UACA: variants seen among roughly 807,000 people sequenced by gnomAD.
UACA encodes the protein nuclear membrane binding protein.
UACA carries 112 observed loss-of-function variants against 160.5 expected under a neutral mutation model. The ratio of observed to expected loss-of-function variants is 0.70; its 90% CI spans 0.60 to 0.82. The LOEUF (loss-of-function observed/expected upper bound fraction) is 0.82. UACA is among the 40% of genes least tolerant of loss of function. The pLI, the probability that UACA is intolerant of heterozygous loss-of-function variation, is 0.00. For synonymous variants in UACA, 557 were observed against 568.4 expected, an observed-to-expected ratio of 0.98 and a Z score of 0.29; for missense variants, 1,574 against 1,614.6, an observed-to-expected ratio of 0.97 and a Z score of 0.43.
Position 70,667,335 on chromosome 15 carries a change from C to T in UACA, c.3349G>A (p.Val1117Ile). 1 of 1,613,058 alleles carries T rather than the reference C, an allele frequency of 6.2e-7. No individual in the cohort carries two copies. Among genetic ancestry groups the T allele is most frequent in the African/African-American group, 1.3e-5 (1 of 74,954 alleles). Residue 1117 changes from valine to isoleucine, a missense_variant, in exon 16 of 19, where the codon GTT becomes ATT. By Grantham distance (29) the Val-to-Ile change is conservative. Transcript: ENST00000322954. ...TTAAGAGATTTTTTCAGAGCCTCAA[C>T]CTGTTCCAATGGAACATGTTGTTTT... ...LQKQHVPLEQVEALKKSLNGT... is the reference protein window; with the variant it reads ...LQKQHVPLEQIEALKKSLNGT...
rs914572432 is a variant in UACA at position 70,687,536 on chromosome 15, T to A, written c.602+4A>T. On this transcript the variant is annotated splice_donor_region_variant and intron_variant, in intron 7 of 18. Coordinates refer to ENST00000322954, the MANE Select transcript of UACA (RefSeq NM_018003.4). ...GTATCTGGGAGCCATGATAAAAGAA[T>A]TACCTGTTTTGTTTGTCTCTGGAAT... 1.2e-6 allele frequency: 2 copies of A among 1,613,456 alleles called. No homozygotes were observed. Among genetic ancestry groups the A allele is most frequent in the East Asian group, 4.5e-5 (2 of 44,864 alleles).
At chr15:70,729,936 C>T (rs1321709962) in intron 1 of UACA, among the ~76,000 whole-genome samples, 3 of 112,234 alleles carry the variant, frequency 2.7e-5, no homozygotes, top group East Asian at 2.4e-4. Context: ...AGGGTCCTGT[C>T]TGTTAGAAGG....
At chr15:70,746,599 G>C (rs1304114787) in intron 1 of UACA, among the ~76,000 whole-genome samples, 1 of 152,142 alleles carries the variant, frequency 6.6e-6, no homozygotes. Flanking sequence ...TCTAGAACTA[G>C]AAATACCATT....
At chr15:70,723,634 CTTTTTT>C (rs71845744) in intron 1 of UACA, among the ~76,000 whole-genome samples, 1 of 139,006 alleles carries the variant, frequency 7.2e-6, no homozygotes, top group Admixed American at 7.1e-5. Context: ...CAACTTTTTC[CTTTTTT>C]TTTTTTTTTT....
At chr15:70,751,652 A>G (rs2030065164) in intron 1 of UACA, among the ~76,000 whole-genome samples, 1 of 152,192 alleles carries the variant, frequency 6.6e-6, no homozygotes, top group Non-Finnish European at 1.5e-5. Context: ...AGGAGTGGCA[A>G]GGCTCACACC....
At chr15:70,721,839 A>G (rs2140988573) in intron 1 of UACA, among the ~76,000 whole-genome samples, 1 of 152,226 alleles carries the variant, frequency 6.6e-6, no homozygotes, top group East Asian at 1.9e-4. Context: ...TAAACTTTAA[A>G]TTTTTTCTAT....
In UACA at chr15:70,668,016, AT is replaced by A; in HGVS notation, c.2667del (p.Lys889AsnfsTer5). On this transcript the variant is annotated frameshift_variant, in exon 16 of 19. Coordinates refer to ENST00000322954, the MANE Select transcript of UACA (RefSeq NM_018003.4). LOFTEE classifies it high-confidence loss of function. ...ACAAATTCCTGATTTATATCTTCAAATTTTTTCTTCACATCTAATAATTCTC... is the reference window on the plus strand; with the variant it reads ...ACAAATTCCTGATTTATATCTTCAAATTTTTCTTCACATCTAATAATTCTC... ...TNRELLDVKKKFEDINQEFVK... is the reference protein window; with the variant it reads ...TNRELLDVKKXFEDINQEFVK... 6.2e-7 allele frequency: 1 copy of A among 1,604,188 alleles called. No individual in the cohort carries two copies. The highest frequency in any genetic ancestry group is 8.5e-7 in the Non-Finnish European group (1 of 1,176,692).
At chr15:70,752,007 CG>C (rs995387366) in intron 1 of UACA, among the ~76,000 whole-genome samples, 1 of 152,032 alleles carries the variant, frequency 6.6e-6, no homozygotes, top group African/African-American at 2.4e-5. Context: ...GAGGCCGAGG[CG>C]GGCAGATCAC....
rs1897782400 is a variant in UACA, at chr15:70,687,768, A to G, written c.477T>C (p.Ser159=). The part of the protein sequence containing the change: ...SIQLLCDHGA[S]VNAKDVDGRT... ...AACTTACTACATCTTTGGCATTCAC[A>G]GAGGCCCCATGGTCACAAAGCAGCT... is the stretch of plus-strand genomic sequence containing the variant. The change falls in exon 6 of 19, where the codon TCT becomes TCC. Residue 159 remains serine (S), a synonymous_variant. Transcript: ENST00000322954. 6.2e-7 allele frequency: 1 copy of G among 1,613,862 alleles called. No homozygotes were observed. Among genetic ancestry groups the G allele is most frequent in the Non-Finnish European group, 8.5e-7 (1 of 1,179,798 alleles).
chr15:70,669,280 T>C lies in UACA; in HGVS notation c.1404A>G (p.Ala468=). 1 of 1,614,100 alleles carries C rather than the reference T, an allele frequency of 6.2e-7. No individual in the cohort carries two copies. The highest frequency in any genetic ancestry group is 1.3e-5 in the African/African-American group (1 of 75,046). ...QDRLKLQNEL[A]HKVAECKALA... ...AAGCTTTGCATTCTGCCACTTTGTG[T>C]GCCAGTTCATTTTGGAGCTTCAGTC... Residue 468 remains alanine, a synonymous_variant, in exon 16 of 19, where the codon GCA becomes GCG. Transcript: ENST00000322954.
chr15:70,763,133 C>A (rs2030874483), intron 1 of UACA, among the ~76,000 whole-genome samples, 197 bp downstream of exon 1: 1 of 152,206 alleles, frequency 6.6e-6, no homozygotes, highest in Non-Finnish European at 1.5e-5. Flanking sequence ...CCCGTAGAGG[C>A]TCGGGTGCGG....
Position 70,667,668 on chromosome 15 carries a change from T to G in UACA, c.3016A>C (p.Lys1006Gln). Residue 1006 changes from lysine to glutamine, a missense_variant, in exon 16 of 19, where the codon AAA becomes CAA. Lys to Gln is a moderately conservative substitution (Grantham distance 53, BLOSUM62 1). Coordinates refer to ENST00000322954, the MANE Select transcript of UACA (RefSeq NM_018003.4). ...TGTGTCTGCTCTGATAACTGGTCTT[T>G]TAGTTCTTTCTCTGTTGCTTTAAAT... is the stretch of plus-strand genomic sequence containing the variant. ...RKFKATEKEL[K>Q]DQLSEQTQKY... is the part of the protein sequence containing the mutation. The G allele has an allele frequency of 6.2e-7, 1 of 1,613,564 alleles. No homozygotes were observed. The highest frequency in any genetic ancestry group is 8.5e-7 in the Non-Finnish European group (1 of 1,180,010).
At chr15:70,702,314 T>C in intron 1 of UACA, 1 of 997,246 alleles carries the variant, frequency 1.0e-6, no homozygotes, top group Non-Finnish European at 1.2e-6. Flanking sequence ...ATGATAAAAC[T>C]GTCCACATCC....
intron 1 of UACA, among the ~76,000 whole-genome samples, chr15:70,739,680 A>G (rs183473106): frequency 1.6e-4 from 25 of 152,346 alleles, no homozygotes; most frequent in Admixed American, 1.6e-3. Context: ...ATATAATTTA[A>G]TAAAAAACAT....
intron 9 of UACA, among the ~76,000 whole-genome samples, chr15:70,680,725 C>A (rs554381100): frequency 6.6e-6 from 1 of 152,176 alleles, no homozygotes; most frequent in African/African-American, 2.4e-5. Flanking sequence ...ACTAAATCAA[C>A]CGCATCCTTT....
chr15:70,668,701 A>G lies in UACA; in HGVS notation c.1983T>C (p.Leu661=). 1.9e-6 allele frequency: 3 copies of G among 1,613,866 alleles called. No individual in the cohort carries two copies. Among genetic ancestry groups the G allele is most frequent in the Non-Finnish European group, 1.7e-6 (2 of 1,179,992 alleles). ...VEMEREHEKS[L]SEIRQLKREL... ...CTCTCTTTAACTGTCTAATTTCACT[A>G]AGTGATTTTTCATGTTCTCTTTCCA... The change falls in exon 16 of 19, where the codon CTT becomes CTC. Residue 661 remains leucine (L), a synonymous_variant. Transcript: ENST00000322954.
chr15:70,762,724 G>A (rs1430840803), intron 1 of UACA, among the ~76,000 whole-genome samples: 1 of 152,222 alleles, frequency 6.6e-6, no homozygotes, highest in East Asian at 1.9e-4. Context: ...TTGTCTTTAC[G>A]ACTAAGCCGA....
chr15:70,710,801 T>C (rs1388359947), intron 1 of UACA, among the ~76,000 whole-genome samples: 1 of 152,190 alleles, frequency 6.6e-6, no homozygotes. Context: ...TGGTTCACCA[T>C]CCTCCAGGTG....
chr15:70,666,671 A>G, intron 16 of UACA, 53 bp downstream of exon 16: 1 of 1,388,724 alleles, frequency 7.2e-7, no homozygotes, highest in Middle Eastern at 1.9e-4. Flanking sequence ...TGTGGTAAAG[A>G]GCACTGCTCT....
Sources: gnomAD v4.1 joint callset for allele counts (sites outside exome capture counted in the v4.1 genomes callset) on GRCh38, gnomAD v4.1.1 for gene constraint, MANE v1.5 for transcripts, NCBI Gene and HGNC (gene_info 2026-07-23, HGNC 2026-07-21) for gene names.